GLRA2: variants seen among roughly 807,000 people sequenced by gnomAD.
GLRA2 encodes the protein glycine receptor alpha 2.
GLRA2 carries 11 observed loss-of-function variants against 31.6 expected under a neutral mutation model. The ratio of observed to expected loss-of-function variants is 0.35; its 90% CI spans 0.22 to 0.58. The LOEUF is 0.58. Among genes scored for constraint, GLRA2 ranks in the 20% least tolerant of loss-of-function variants. The pLI is 0.84. For missense variants in GLRA2, 212 were observed against 351.8 expected (o/e 0.60, Z 3.18); for synonymous variants, 132 against 134.0 (o/e 0.99, Z 0.10).
In GLRA2 at chrX:14,540,839, G is replaced by T. The variant is rs1327261521; in HGVS notation, c.202+8467G>T. ...AATGGATTGGAGTATACGTGTGTGC[G>T]AGAGAAAGAGAAAGAAGGACGGAAC... is the stretch of plus-strand genomic sequence containing the variant. On this transcript the variant is annotated intron_variant, in intron 2 of 8. Coordinates refer to ENST00000218075, the MANE Select transcript of GLRA2 (RefSeq NM_002063.4). Among the ~76,000 whole-genome samples the T allele has an allele frequency of 3.7e-5, 4 of 109,257 alleles. No homozygotes were observed. In the East Asian group the frequency reaches 1.2e-3, roughly 31 times the overall value. 94.9% of individuals were successfully genotyped at this position (109,257 alleles called of 115,157 possible). A position where few individuals can be genotyped will look rare whatever the true frequency, so the allele number is the denominator to read the frequency against.
At chrX:14,470,318 C>A in the GLRA2 span, among the ~76,000 whole-genome samples, 1 of 111,733 alleles carries the variant, frequency 8.9e-6, no homozygotes, top group African/African-American at 3.2e-5. Flanking sequence ...ATTCTTAGTA[C>A]AATATTCTAA....
At chrX:14,619,724 A>C (rs998590062) in intron 7 of GLRA2, among the ~76,000 whole-genome samples, 2 of 110,859 alleles carry the variant, frequency 1.8e-5, no homozygotes, top group Admixed American at 1.9e-4. Context: ...ACCTTATAGC[A>C]ACACTATCAT....
chrX:14,484,153 T>A, the GLRA2 span, among the ~76,000 whole-genome samples: 2 of 111,958 alleles, frequency 1.8e-5, no homozygotes, highest in East Asian at 5.6e-4. Context: ...ATTAGTTCTG[T>A]CTGTCTAGAG....
At position 14,559,312 on chromosome X, in the gene GLRA2, A is replaced by G. The variant is rs566287086; in HGVS notation, c.203-15021A>G. Among the ~76,000 whole-genome samples, 14 of 111,273 alleles carry G rather than the reference A, an allele frequency of 1.3e-4. No individual in the cohort carries two copies. The South Asian group carries it at 4.5e-3, about 36-fold the overall frequency. On this transcript the variant is annotated intron_variant, in intron 2 of 8. Transcript: ENST00000218075. ...AAGCTGAATGCAGTAAGACTGGTAA[A>G]ACCATTTGCGTATGAGTTGAGCAGA... is the stretch of plus-strand genomic sequence containing the variant.
intron 7 of GLRA2, among the ~76,000 whole-genome samples, chrX:14,654,377 CATA>C (rs758269112): frequency 8.9e-6 from 1 of 112,103 alleles, no homozygotes; most frequent in East Asian, 2.8e-4. Flanking sequence ...ATGTTTTAGA[CATA>C]ATGCTATGTC....
intron 7 of GLRA2, among the ~76,000 whole-genome samples, chrX:14,621,011 C>G (rs1447831715): frequency 9.0e-6 from 1 of 111,576 alleles, no homozygotes; most frequent in Non-Finnish European, 1.9e-5. Flanking sequence ...TGTACTTGCT[C>G]TAACAAACTG....
At chrX:14,717,231 G>C (rs755369304) in intron 8 of GLRA2, among the ~76,000 whole-genome samples, 1 of 109,695 alleles carries the variant, frequency 9.1e-6, no homozygotes, top group Non-Finnish European at 1.9e-5. Flanking sequence ...CCTGGGTACA[G>C]AGAGAAGCTT....
chrX:14,697,377 T>C (rs2091464126), intron 8 of GLRA2, among the ~76,000 whole-genome samples: 1 of 112,386 alleles, frequency 8.9e-6, no homozygotes, highest in Non-Finnish European at 1.9e-5. Context: ...CTCCACTTTA[T>C]AGACCTGGAT....
intron 7 of GLRA2, among the ~76,000 whole-genome samples, chrX:14,626,088 G>A (rs995840572): frequency 5.4e-5 from 6 of 111,997 alleles, no homozygotes; most frequent in Admixed American, 9.5e-5. Context: ...TGTGCTAAAC[G>A]CTTTACATAG....
At chrX:14,661,364 T>TC (rs1179257643) in intron 7 of GLRA2, among the ~76,000 whole-genome samples, 1 of 111,670 alleles carries the variant, frequency 9.0e-6, no homozygotes, top group African/African-American at 3.3e-5. Context: ...ATATTGACAG[T>TC]CCAAGTTATT....
At chrX:14,549,602 C>T (rs1344518348) in intron 2 of GLRA2, among the ~76,000 whole-genome samples, 1 of 111,258 alleles carries the variant, frequency 9.0e-6, no homozygotes, top group African/African-American at 3.3e-5. Context: ...CAAGATGTAG[C>T]GGGTACAATA....
intron 7 of GLRA2, among the ~76,000 whole-genome samples, chrX:14,690,184 T>C (rs2091329055): frequency 8.9e-6 from 1 of 112,137 alleles, no homozygotes; most frequent in East Asian, 2.8e-4. Context: ...ATTATATTGA[T>C]TTTTAAATTT....
the GLRA2 span, among the ~76,000 whole-genome samples, chrX:14,490,796 G>C: frequency 1.8e-5 from 2 of 111,708 alleles, no homozygotes; most frequent in African/African-American, 3.3e-5. Context: ...GTGTATGGGG[G>C]AAAAACTTTA....
At chrX:14,587,109 T>C (rs2090088746) in intron 4 of GLRA2, among the ~76,000 whole-genome samples, 1 of 111,887 alleles carries the variant, frequency 8.9e-6, no homozygotes, top group Non-Finnish European at 1.9e-5. Context: ...ACACAATTCA[T>C]GTTGCAGCAA....
At chrX:14,559,268 A>G (rs1005458561) in intron 2 of GLRA2, among the ~76,000 whole-genome samples, 1 of 111,416 alleles carries the variant, frequency 9.0e-6, no homozygotes, top group African/African-American at 3.3e-5. Flanking sequence ...CTTTGCACAA[A>G]CCTGGAATGT....
chrX:14,730,609 G>T lies in GLRA2; in HGVS notation c.*124G>T. The T allele has an allele frequency of 5.3e-6, 2 of 374,932 alleles. No individual in the cohort carries two copies. The highest frequency in any genetic ancestry group is 9.2e-6 in the Non-Finnish European group (2 of 217,386). 30.9% of individuals were successfully genotyped at this position (374,932 alleles called of 1,213,427 possible). On this transcript the variant is annotated 3_prime_UTR_variant, in exon 9 of 9. Coordinates refer to ENST00000218075, the MANE Select transcript of GLRA2 (RefSeq NM_002063.4). ...AGGGAGGGGGGAGGGAGGGTCATGG[G>T]GGTGGGTTTCCTGGCACCTACATGA...
chrX:14,524,049 G>A, the GLRA2 span, among the ~76,000 whole-genome samples: 1 of 111,893 alleles, frequency 8.9e-6, no homozygotes, highest in Non-Finnish European at 1.9e-5. Context: ...CACAAAGTGA[G>A]CACATGCTGT....
chrX:14,471,654 C>G, the GLRA2 span, among the ~76,000 whole-genome samples: 1 of 111,997 alleles, frequency 8.9e-6, no homozygotes, highest in East Asian at 2.8e-4. Flanking sequence ...AAAACTGATA[C>G]ATATAGATGG....
At chrX:14,468,691 G>A in the GLRA2 span, among the ~76,000 whole-genome samples, 31 of 111,736 alleles carry the variant, frequency 2.8e-4, no homozygotes, top group Non-Finnish European at 5.3e-4. Flanking sequence ...GTAATGGGAT[G>A]GCTGGGTCAA....
Sources: allele counts gnomAD v4.1 joint callset (sites outside exome capture counted in the v4.1 genomes callset), GRCh38; gene constraint gnomAD v4.1.1; transcripts MANE v1.5; gene names NCBI Gene and HGNC (gene_info 2026-07-23, HGNC 2026-07-21).